ADAM32: variants seen among roughly 807,000 people sequenced by gnomAD.
The protein encoded by ADAM32 is ADAM metallopeptidase domain 32.
In ADAM32, 89 loss-of-function variants were observed where a neutral mutation model predicts 114.9. That is an observed-to-expected ratio of 0.77 (90% CI 0.65 to 0.92). The LOEUF is 0.92. Among genes scored for constraint, ADAM32 ranks in the 40% least tolerant of loss-of-function variants. The pLI, the probability that ADAM32 is intolerant of heterozygous loss-of-function variation, is 0.00. For missense variants in ADAM32, 870 were observed against 932.8 expected (o/e 0.93, Z 0.88); for synonymous variants, 285 against 307.5 (o/e 0.93, Z 0.77).
chr8:39,274,485 T>A (rs1468592782), intron 21 of ADAM32, 135 bp downstream of exon 21: 4 of 913,288 alleles, frequency 4.4e-6, no homozygotes, highest in Non-Finnish European at 6.7e-6. Flanking sequence ...ACTGCTAATA[T>A]ACAGTTGAAT....
intron 19 of ADAM32, among the ~76,000 whole-genome samples, chr8:39,259,280 A>G (rs1811859794): frequency 6.6e-6 from 1 of 151,830 alleles, no homozygotes; most frequent in Non-Finnish European, 1.5e-5. Flanking sequence ...GCTCACTGCA[A>G]CCTTAGCTCG....
chr8:39,187,075 T>C (rs914336581), intron 11 of ADAM32, 30 bp downstream of exon 11: 49 of 1,560,006 alleles, frequency 3.1e-5, no homozygotes, highest in Non-Finnish European at 4.1e-5. Context: ...TTATTGCTTA[T>C]GTTTATTTCA....
intron 11 of ADAM32, among the ~76,000 whole-genome samples, chr8:39,200,612 A>G (rs1326304661): frequency 6.6e-6 from 1 of 152,104 alleles, no homozygotes; most frequent in Admixed American, 6.5e-5. Flanking sequence ...TGTTGTGCAG[A>G]AGCTCTTTAG....
chr8:39,190,153 T>G (rs1032123973), intron 11 of ADAM32, among the ~76,000 whole-genome samples: 5 of 152,218 alleles, frequency 3.3e-5, no homozygotes, highest in Admixed American at 2.6e-4. Flanking sequence ...ATATTTACCT[T>G]TCTGTGCCTG....
At chr8:39,237,491 C>G (rs1298415938) in intron 16 of ADAM32, among the ~76,000 whole-genome samples, 1 of 152,042 alleles carries the variant, frequency 6.6e-6, no homozygotes, top group Non-Finnish European at 1.5e-5. Context: ...GATCTCAGCC[C>G]TGTGCACCAG....
intron 1 of ADAM32, among the ~76,000 whole-genome samples, chr8:39,117,396 AT>A (rs1425397422): frequency 1.3e-5 from 2 of 150,666 alleles, no homozygotes; most frequent in African/African-American, 2.4e-5. Flanking sequence ...CTCTGCTGAT[AT>A]TTTTATTGGG....
At chr8:39,269,319 G>A (rs559021667) in intron 19 of ADAM32, among the ~76,000 whole-genome samples, 87 of 152,246 alleles carry the variant, frequency 5.7e-4, no homozygotes, top group African/African-American at 2.0e-3. Flanking sequence ...CTCAAAGTTC[G>A]CTGTACTGCA....
At chr8:39,251,581 T>C (rs1009706534) in intron 17 of ADAM32, among the ~76,000 whole-genome samples, 4 of 151,808 alleles carry the variant, frequency 2.6e-5, no homozygotes, top group African/African-American at 9.7e-5. Context: ...TTTTTCCTAT[T>C]GAGTTATTTG....
chr8:39,108,693 T>C (rs1261644988), intron 1 of ADAM32, among the ~76,000 whole-genome samples: 2 of 152,156 alleles, frequency 1.3e-5, no homozygotes, highest in African/African-American at 2.4e-5. Flanking sequence ...TTTACTTGCA[T>C]GTAAGCCTCC....
chr8:39,107,615 G>T, upstream of ADAM32: 1 of 1,460,974 alleles, frequency 6.8e-7, no homozygotes, highest in South Asian at 1.4e-5. Context: ...GGCCCTTCGT[G>T]TTCCGGACGC....
chr8:39,151,493 T>C lies in ADAM32; in HGVS notation c.470T>C (p.Ile157Thr), dbSNP rs751850221. The C allele has an allele frequency of 1.6e-5, 25 of 1,600,466 alleles. No homozygotes were observed. Among genetic ancestry groups the C allele is most frequent in the East Asian group, 2.3e-5 (1 of 44,166 alleles). ...GAAGACAATGATATTGCAATTTTTATTGACAGAAGCCTGAAAGAACAACCA... is the reference window on the plus strand; with the variant it reads ...GAAGACAATGATATTGCAATTTTTACTGACAGAAGCCTGAAAGAACAACCA... The part of the protein sequence containing the change: ...KNEDNDIAIF[I>T]DRSLKEQPMD... The change falls in exon 6 of 25, where the codon ATT (isoleucine) becomes ACT (threonine). Residue 157 changes from isoleucine to threonine, a missense_variant. Physicochemically the swap from Ile to Thr is moderately conservative, Grantham distance 89. Coordinates refer to ENST00000379907, the MANE Select transcript of ADAM32 (RefSeq NM_145004.7).
chr8:39,158,820 C>T (rs2129445900), intron 6 of ADAM32: 1 of 152,202 alleles, frequency 6.6e-6, no homozygotes, highest in East Asian at 1.9e-4. Context: ...GTTATTGAAT[C>T]CTAGTGAATT....
At chr8:39,284,145 GTT>G (rs201625362) in intron 24 of ADAM32, among the ~76,000 whole-genome samples, 1 of 151,422 alleles carries the variant, frequency 6.6e-6, no homozygotes, top group Non-Finnish European at 1.5e-5. Context: ...AACTTAGTCT[GTT>G]TTTTTTCAGT....
Position 39,269,299 on chromosome 8 carries a change from G to C in ADAM32, c.2163-1577G>C, listed in dbSNP as rs151311360. Among the ~76,000 whole-genome samples the C allele has an allele frequency of 4.5e-3, 692 of 152,258 alleles. 6 individuals carry two copies. Among genetic ancestry groups the C allele is most frequent in the African/African-American group, 0.015 (626 of 41,542 alleles). On this transcript the variant is annotated intron_variant, in intron 19 of 24. Coordinates refer to ENST00000379907, the MANE Select transcript of ADAM32 (RefSeq NM_145004.7). ...AAGAGTCAATCATAGAGCTCACCTT[G>C]TTTCCTTCTCTCAAAGTTCGCTGTA...
intron 7 of ADAM32, among the ~76,000 whole-genome samples, chr8:39,161,346 A>G (rs1028458664): frequency 6.6e-6 from 1 of 152,232 alleles, no homozygotes; most frequent in African/African-American, 2.4e-5. Flanking sequence ...TTATTGGAAC[A>G]AAAGTGATGA....
At chr8:39,231,129 G>T (rs1809708641) in intron 14 of ADAM32, among the ~76,000 whole-genome samples, 1 of 152,180 alleles carries the variant, frequency 6.6e-6, no homozygotes, top group Non-Finnish European at 1.5e-5. Flanking sequence ...TCTACAATCA[G>T]TCAGTTTTGA....
intron 12 of ADAM32, chr8:39,221,365 A>G: frequency 2.7e-6 from 1 of 376,694 alleles, no homozygotes; most frequent in East Asian, 4.5e-5. Context: ...GACATTCTCC[A>G]TGTCTTTTAA....
intron 20 of ADAM32, among the ~76,000 whole-genome samples, chr8:39,272,118 A>G (rs556575864): frequency 1.5e-3 from 229 of 151,084 alleles, no homozygotes; most frequent in African/African-American, 4.3e-3. Flanking sequence ...AAAAAAAAAA[A>G]AAAGAAAGAA....
rs1223539744 is a variant in ADAM32 at position 39,211,157 on chromosome 8, G to C, written c.1066G>C (p.Val356Leu). 2 of 1,588,576 alleles carry C rather than the reference G, an allele frequency of 1.3e-6. No individual in the cohort carries two copies. Among genetic ancestry groups the C allele is most frequent in the South Asian group, 2.3e-5 (2 of 86,014 alleles). Residue 356 changes from valine to leucine, a missense_variant, in exon 12 of 25, where the codon GTG becomes CTG. Physicochemically the swap from Val to Leu is conservative, Grantham distance 32. Transcript: ENST00000379907. ...ATTCATCTTTAGGCAATCCAATGGTGTGAAGACTTTTAGCAGTTGCAGTTT... is the reference window on the plus strand; with the variant it reads ...ATTCATCTTTAGGCAATCCAATGGTCTGAAGACTTTTAGCAGTTGCAGTTT... ...MNPEVVQSNG[V>L]KTFSSCSLRS...
Sources: gnomAD v4.1 joint callset for allele counts (sites outside exome capture counted in the v4.1 genomes callset) on GRCh38, gnomAD v4.1.1 for gene constraint, MANE v1.5 for transcripts, NCBI Gene and HGNC (gene_info 2026-07-23, HGNC 2026-07-21) for gene names.